SV2C: variants seen among roughly 807,000 people sequenced by gnomAD.
SV2C encodes the protein synaptic vesicle glycoprotein 2C, also known as solute carrier family 22 member B3.
In SV2C, 49 loss-of-function variants were observed where a neutral mutation model predicts 79.7. The observed-to-expected ratio is 0.61, with a 90% CI of 0.49 to 0.78. The LOEUF (loss-of-function observed/expected upper bound fraction) is 0.78, where lower values mean the gene tolerates loss of function less well. SV2C is among the 30% of genes least tolerant of loss of function. The probability of loss-of-function intolerance (pLI) is 0.00; values close to 1 mark genes in which losing one functional copy is unlikely to be tolerated. For missense variants in SV2C, 833 were observed against 912.9 expected (o/e 0.91, Z 1.13); for synonymous variants, 334 against 333.2 (o/e 1.00, Z -0.03).
the SV2C span, among the ~76,000 whole-genome samples, chr5:76,006,366 T>C: frequency 6.6e-6 from 1 of 152,158 alleles, no homozygotes; most frequent in Non-Finnish European, 1.5e-5. Flanking sequence ...AAAGAGATGC[T>C]ATGTAAGAGG....
At chr5:76,163,905 A>G (rs1007773374) in intron 2 of SV2C, among the ~76,000 whole-genome samples, 4 of 152,190 alleles carry the variant, frequency 2.6e-5, no homozygotes, top group African/African-American at 9.7e-5. Flanking sequence ...ATGCAAAGAT[A>G]AATGTCTCCT....
intron 1 of SV2C, among the ~76,000 whole-genome samples, chr5:76,086,636 T>TGTCA (rs1747209049): frequency 1.1e-5 from 1 of 91,248 alleles, no homozygotes; most frequent in Non-Finnish European, 1.9e-5. Context: ...AGGCAGCCCC[T>TGTCA]GGCATATATA....
chr5:76,146,797 TAAA>T (rs34569063), intron 2 of SV2C, among the ~76,000 whole-genome samples: 33 of 39,336 alleles, frequency 8.4e-4, no homozygotes, highest in Admixed American at 1.5e-3. Flanking sequence ...AGTTTTTTTT[TAAA>T]AAAAAAAAAA....
chr5:76,084,578 G>A (rs1747110273), intron 1 of SV2C, among the ~76,000 whole-genome samples: 1 of 149,672 alleles, frequency 6.7e-6, no homozygotes, highest in Admixed American at 6.6e-5. Flanking sequence ...GCGCGGGGGC[G>A]GGGGGAGGGG....
At position 76,131,680 on chromosome 5, in the gene SV2C, G is replaced by A. The variant is rs1748894710; in HGVS notation, c.-71G>A. Reference sequence around the variant, plus strand: ...TTTTGAACCCAAAGTGGATGATGCTGTCAGAGCTGAACCACTGAAAGGAGG... The same window carrying A: ...TTTTGAACCCAAAGTGGATGATGCTATCAGAGCTGAACCACTGAAAGGAGG... On this transcript the variant is annotated 5_prime_UTR_variant, in exon 2 of 13. Transcript: ENST00000502798. The A allele has an allele frequency of 3.0e-6, 4 of 1,348,222 alleles. No homozygotes were observed. Among genetic ancestry groups the A allele is most frequent in the East Asian group, 4.7e-5 (2 of 42,934 alleles). The allele number at this position is 1,348,222 out of a possible 1,614,324, so 83.5% of individuals were successfully genotyped here. A position where few individuals can be genotyped will look rare whatever the true frequency, so the allele number is the denominator to read the frequency against.
the SV2C span, among the ~76,000 whole-genome samples, chr5:75,965,733 T>C: frequency 2.8e-3 from 423 of 152,282 alleles, 6 homozygotes; most frequent in African/African-American, 9.7e-3. Flanking sequence ...TTATTCTAGA[T>C]TGAGTTTTTT....
At chr5:76,122,834 A>C (rs567170195) in intron 1 of SV2C, among the ~76,000 whole-genome samples, 117 of 152,254 alleles carry the variant, frequency 7.7e-4, no homozygotes, top group Middle Eastern at 6.8e-3. Context: ...AAGACCAAAC[A>C]CATTCAAAAG....
chr5:76,253,413 A>G (rs1185934698), intron 4 of SV2C, among the ~76,000 whole-genome samples: 2 of 152,146 alleles, frequency 1.3e-5, no homozygotes, highest in Non-Finnish European at 2.9e-5. Context: ...CCTTTGGATC[A>G]AAACTAGTCT....
At chr5:76,185,188 G>C (rs527579196) in intron 2 of SV2C, among the ~76,000 whole-genome samples, 1 of 152,308 alleles carries the variant, frequency 6.6e-6, no homozygotes, top group South Asian at 2.1e-4. Flanking sequence ...ACAAGAGGTG[G>C]GCTCCCACAG....
chr5:76,216,499 T>A (rs1252876651), intron 4 of SV2C, among the ~76,000 whole-genome samples: 1 of 152,066 alleles, frequency 6.6e-6, no homozygotes, highest in Non-Finnish European at 1.5e-5. Context: ...TGAAAATAGG[T>A]ATTTAGAGTT....
the SV2C span, among the ~76,000 whole-genome samples, chr5:75,912,368 C>T: frequency 1.3e-5 from 2 of 152,030 alleles, no homozygotes; most frequent in South Asian, 4.2e-4. Context: ...TGGCAGGCAC[C>T]TGTAGTTCCA....
chr5:76,223,448 T>C (rs13169275), intron 4 of SV2C, among the ~76,000 whole-genome samples: 1,353 of 13,180 alleles, frequency 0.1, 19 homozygotes, highest in East Asian at 0.16. Flanking sequence ...TACATACATA[T>C]ATATATATAT....
chr5:76,318,741 T>C (rs1580068652), intron 12 of SV2C, among the ~76,000 whole-genome samples: 2 of 152,224 alleles, frequency 1.3e-5, no homozygotes, highest in South Asian at 2.1e-4. Flanking sequence ...GAGCAAAGGC[T>C]TCTGGCTGAA....
intron 2 of SV2C, among the ~76,000 whole-genome samples, chr5:76,154,427 T>A (rs1482146465): frequency 6.6e-6 from 1 of 152,224 alleles, no homozygotes; most frequent in Non-Finnish European, 1.5e-5. Context: ...AAGCATTCAT[T>A]GTTTGAAACA....
the SV2C span, among the ~76,000 whole-genome samples, chr5:75,851,750 G>T: frequency 6.6e-6 from 1 of 152,068 alleles, no homozygotes; most frequent in African/African-American, 2.4e-5. Flanking sequence ...ACGCCATTCT[G>T]CTGCCTCCGC....
chr5:76,207,227 G>A (rs1172875894), intron 3 of SV2C, among the ~76,000 whole-genome samples: 5 of 152,024 alleles, frequency 3.3e-5, no homozygotes, highest in Admixed American at 3.3e-4. Context: ...TTGGTCCAGA[G>A]GGTCTGGCAT....
In SV2C at chr5:76,160,488, G is replaced by T. The variant is rs528916625; in HGVS notation, c.580+28158G>T. ...ATCTAATGTAGGAAAAATATTATTC[G>T]CAAAGGATTCTTAAATATGACACCC... On this transcript the variant is annotated intron_variant, in intron 2 of 12. Transcript: ENST00000502798. 1.1e-4 allele frequency among the ~76,000 whole-genome samples: 16 copies of T among 152,182 alleles called. No individual in the cohort carries two copies. In the South Asian group the frequency reaches 2.9e-3, roughly 28 times the overall value.
chr5:76,296,023 G>A (rs1580041724), intron 9 of SV2C, 81 bp downstream of exon 9: 3 of 1,344,426 alleles, frequency 2.2e-6, no homozygotes, highest in Admixed American at 2.5e-5. Flanking sequence ...ACTGAAACAG[G>A]CATAGTTTTT....
At chr5:76,185,566 A>G (rs1006039466) in intron 2 of SV2C, among the ~76,000 whole-genome samples, 1 of 152,226 alleles carries the variant, frequency 6.6e-6, no homozygotes, top group African/African-American at 2.4e-5. Context: ...GCCCAACACC[A>G]TGTGTAAGCC....
Sources: allele counts gnomAD v4.1 joint callset (sites outside exome capture counted in the v4.1 genomes callset), GRCh38; gene constraint gnomAD v4.1.1; transcripts MANE v1.5; gene names NCBI Gene and HGNC (gene_info 2026-07-23, HGNC 2026-07-21).